Variants in MCTP1 observed in about 807,000 individuals in gnomAD.
MCTP1 encodes the protein multiple C2 and transmembrane domain containing 1.
In MCTP1, 69 loss-of-function variants were observed where a neutral mutation model predicts 120.6. The observed-to-expected ratio is 0.57, with a 90% confidence interval of 0.47 to 0.70. The LOEUF (loss-of-function observed/expected upper bound fraction) is 0.70. Among genes scored for constraint, MCTP1 ranks in the 30% least tolerant of loss-of-function variants. The pLI is 0.00. For missense variants in MCTP1, 1,203 were observed against 1,248.8 expected (o/e 0.96, Z 0.55); for synonymous variants, 529 against 493.1 (o/e 1.07, Z -0.96).
At chr5:95,023,650 T>C (rs915397379) in intron 1 of MCTP1, among the ~76,000 whole-genome samples, 3 of 152,210 alleles carry the variant, frequency 2.0e-5, no homozygotes, top group South Asian at 4.1e-4. Flanking sequence ...AGGCCCACTA[T>C]AGTGGTTCCA....
At chr5:95,141,489 T>C (rs1180450111) in intron 1 of MCTP1, among the ~76,000 whole-genome samples, 1 of 152,212 alleles carries the variant, frequency 6.6e-6, no homozygotes, top group Non-Finnish European at 1.5e-5. Flanking sequence ...TAGGTCACTG[T>C]TGTATGTGTG....
chr5:94,941,418 ACCAATAAG>A (rs1817682039), intron 4 of MCTP1, among the ~76,000 whole-genome samples: 2 of 152,194 alleles, frequency 1.3e-5, no homozygotes, highest in South Asian at 4.1e-4. Context: ...CTATTGGAAG[ACCAATAAG>A]CCATTGTGCT....
chr5:94,974,628 A>G (rs1234065156), intron 2 of MCTP1, among the ~76,000 whole-genome samples: 1 of 152,134 alleles, frequency 6.6e-6, no homozygotes, highest in East Asian at 1.9e-4. Context: ...TGTTAAGTCA[A>G]GAGAAAAAGC....
intron 12 of MCTP1, among the ~76,000 whole-genome samples, chr5:94,878,529 A>G (rs1029423740): frequency 6.6e-6 from 1 of 151,992 alleles, no homozygotes; most frequent in African/African-American, 2.4e-5. Context: ...CATATTGAAG[A>G]TTTTGTAATG....
chr5:94,836,062 C>T (rs760159061), intron 17 of MCTP1, among the ~76,000 whole-genome samples: 1 of 151,288 alleles, frequency 6.6e-6, no homozygotes, highest in Non-Finnish European at 1.5e-5. Context: ...CACCTATAGT[C>T]CCAGCTACTT....
chr5:94,895,770 C>A (rs1035722883), intron 10 of MCTP1, among the ~76,000 whole-genome samples: 64 of 152,174 alleles, frequency 4.2e-4, no homozygotes, highest in African/African-American at 1.4e-3. Context: ...GTTCAAACAT[C>A]TCTTTAGCAA....
At chr5:94,887,332 G>C (rs945958892) in intron 12 of MCTP1, among the ~76,000 whole-genome samples, 1 of 152,026 alleles carries the variant, frequency 6.6e-6, no homozygotes, top group Admixed American at 6.6e-5. Context: ...GAGAGAACAT[G>C]TATTTTAACT....
chr5:95,090,318 A>G (rs1755746439), intron 1 of MCTP1, among the ~76,000 whole-genome samples: 1 of 152,134 alleles, frequency 6.6e-6, no homozygotes, highest in Non-Finnish European at 1.5e-5. Context: ...CAATACTTCA[A>G]TTAAAAAAAA....
At chr5:95,239,677 A>G (rs1473096850) in intron 1 of MCTP1, among the ~76,000 whole-genome samples, 1 of 151,852 alleles carries the variant, frequency 6.6e-6, no homozygotes, top group Non-Finnish European at 1.5e-5. Flanking sequence ...AGTTACAGAA[A>G]CTCCTGGGTA....
intron 1 of MCTP1, among the ~76,000 whole-genome samples, chr5:95,271,475 ATG>A (rs1759392468): frequency 3.3e-5 from 5 of 151,406 alleles, no homozygotes; most frequent in African/African-American, 7.3e-5. Flanking sequence ...GAAAAAAAAA[ATG>A]AACTATATCA....
intron 13 of MCTP1, among the ~76,000 whole-genome samples, chr5:94,872,580 T>C (rs375697202): frequency 6.4e-4 from 98 of 152,228 alleles, no homozygotes; most frequent in African/African-American, 2.2e-3. Flanking sequence ...TAGGAGTTAC[T>C]ATAGTGTAGC....
intron 17 of MCTP1, among the ~76,000 whole-genome samples, chr5:94,846,021 G>C (rs983802019): frequency 6.6e-6 from 1 of 152,204 alleles, no homozygotes. Context: ...TTAGGTTGTG[G>C]AGGAAAGGGA....
chr5:95,200,821 C>T lies in MCTP1; in HGVS notation c.720+83035G>A, dbSNP rs549728252. Among the ~76,000 whole-genome samples, 8 of 152,102 alleles carry T rather than the reference C, an allele frequency of 5.3e-5. 1 individual carries two copies. The highest frequency in any genetic ancestry group is 1.2e-4 in the Non-Finnish European group (8 of 68,024). ...AGTGTTCTCACCACAAAAACTGATG[C>T]GTATGTGAGGTAATGCATATGTTAA... On this transcript the variant is annotated intron_variant, in intron 1 of 22. Transcript: ENST00000515393.
chr5:94,952,562 T>A (rs552898626), intron 3 of MCTP1, among the ~76,000 whole-genome samples: 1 of 152,118 alleles, frequency 6.6e-6, no homozygotes, highest in Non-Finnish European at 1.5e-5. Context: ...GGTCACTGAA[T>A]GAACAGTCAG....
chr5:94,785,959 T>C (rs1363466820), intron 18 of MCTP1, among the ~76,000 whole-genome samples: 2 of 152,158 alleles, frequency 1.3e-5, no homozygotes, highest in African/African-American at 4.8e-5. Context: ...TGCAAAATAC[T>C]ATGGAAATAT....
chr5:95,029,358 C>A (rs886911138), intron 1 of MCTP1, among the ~76,000 whole-genome samples: 5 of 151,976 alleles, frequency 3.3e-5, no homozygotes, highest in Non-Finnish European at 5.9e-5. Flanking sequence ...GCTCTAGAAG[C>A]CTCATTTTCT....
chr5:94,746,518 T>TA (rs1186571729), intron 19 of MCTP1, among the ~76,000 whole-genome samples: 1 of 152,246 alleles, frequency 6.6e-6, no homozygotes, highest in African/African-American at 2.4e-5. Flanking sequence ...CATTAGCTAC[T>TA]ACTCCATTTT....
At chr5:94,707,611 T>C in intron 22 of MCTP1, 44 bp from the exon 23 acceptor site, 1 of 1,450,454 alleles carries the variant, frequency 6.9e-7, no homozygotes, top group Non-Finnish European at 9.7e-7. Flanking sequence ...GGTGGCCACT[T>C]TCTGGCAAAG....
rs541339614 is a variant in MCTP1, at chr5:95,020,586, T to C, written c.721-3102A>G. Among the ~76,000 whole-genome samples the C allele has an allele frequency of 3.9e-5, 6 of 152,200 alleles. No individual in the cohort carries two copies. The South Asian group carries it at 1.2e-3, about 31-fold the overall frequency. On this transcript the variant is annotated intron_variant, in intron 1 of 22. Transcript: ENST00000515393. ...TTTGTAGATGGTATATGTGGTCATA[T>C]AGAAACTATTAAGCAGTTAAAGCTG... is the stretch of plus-strand genomic sequence containing the variant.
Sources: allele counts gnomAD v4.1 joint callset (sites outside exome capture counted in the v4.1 genomes callset), GRCh38; gene constraint gnomAD v4.1.1; transcripts MANE v1.5; gene names NCBI Gene and HGNC (gene_info 2026-07-23, HGNC 2026-07-21).